Variants in FYB2 observed in about 807,000 individuals in gnomAD.
FYB2 encodes FYN-binding protein 2.
FYB2 carries 103 observed loss-of-function variants against 94.1 expected under a neutral mutation model. The ratio of observed to expected loss-of-function variants is 1.09; its 90% CI spans 0.93 to 1.29. The LOEUF (loss-of-function observed/expected upper bound fraction) is 1.29. FYB2 is among the 50% of genes most tolerant of loss of function. The pLI, the probability that FYB2 is intolerant of heterozygous loss-of-function variation, is 0.00. For missense variants in FYB2, 896 were observed against 841.5 expected (o/e 1.06, Z -0.80); for synonymous variants, 293 against 287.9 (o/e 1.02, Z -0.18).
chr1:56,819,630 T>G (rs1420587667), upstream of FYB2: 4 of 469,022 alleles, frequency 8.5e-6, no homozygotes, highest in Non-Finnish European at 1.6e-5. Context: ...TCACTCACTC[T>G]CCAGGGCATT....
At chr1:56,825,570 C>T in the FYB2 span, among the ~76,000 whole-genome samples, 1 of 152,110 alleles carries the variant, frequency 6.6e-6, no homozygotes, top group Admixed American at 6.5e-5. Context: ...AACCTGTAGT[C>T]TAGTTAGGGT....
intron 15 of FYB2, among the ~76,000 whole-genome samples, chr1:56,736,282 G>T (rs1644828561): frequency 6.6e-6 from 1 of 152,070 alleles, no homozygotes; most frequent in African/African-American, 2.4e-5. Context: ...AAGTTCAATT[G>T]TATAATAGGA....
At chr1:56,748,077 G>T (rs1174583852) in intron 9 of FYB2, among the ~76,000 whole-genome samples, 2 of 151,990 alleles carry the variant, frequency 1.3e-5, no homozygotes, top group Admixed American at 6.6e-5. Flanking sequence ...CATATCCTTT[G>T]CCCACTTTTT....
At chr1:56,751,987 C>A (rs1010010727) in intron 8 of FYB2, among the ~76,000 whole-genome samples, 1 of 151,682 alleles carries the variant, frequency 6.6e-6, no homozygotes, top group African/African-American at 2.4e-5. Flanking sequence ...TTCCAAATGT[C>A]AGTAGGAGAT....
At chr1:56,775,750 A>G (rs1645860967) in intron 4 of FYB2, among the ~76,000 whole-genome samples, 1 of 152,162 alleles carries the variant, frequency 6.6e-6, no homozygotes, top group African/African-American at 2.4e-5. Context: ...CCGTAATGGA[A>G]GTCATCAAAG....
Position 56,792,510 on chromosome 1 carries a change from A to G in FYB2, c.303T>C (p.Thr101=). ...TCTGTGAACTTGTTGCAGAACATACAGTAGACTTTCCCAGAGGCCCTGGGG... is the reference window on the plus strand; with the variant it reads ...TCTGTGAACTTGTTGCAGAACATACGGTAGACTTTCCCAGAGGCCCTGGGG... ...SNSPGPLGKS[T]VCSATSSQKA... Residue 101 remains threonine, a synonymous_variant, in exon 2 of 20, where the codon ACT becomes ACC. Coordinates refer to ENST00000343433, the MANE Select transcript of FYB2 (RefSeq NM_001004303.5). 1 of 1,614,208 alleles carries G rather than the reference A, an allele frequency of 6.2e-7. No homozygotes were observed. The highest frequency in any genetic ancestry group is 8.5e-7 in the Non-Finnish European group (1 of 1,180,012).
intron 1 of FYB2, among the ~76,000 whole-genome samples, chr1:56,806,192 G>A (rs1646643420): frequency 6.6e-6 from 1 of 152,162 alleles, no homozygotes; most frequent in African/African-American, 2.4e-5. Flanking sequence ...AACACCTTGA[G>A]GTCCCTGCTG....
At chr1:56,743,340 T>C (rs1487956969) in intron 11 of FYB2, among the ~76,000 whole-genome samples, 2 of 151,988 alleles carry the variant, frequency 1.3e-5, no homozygotes. Context: ...GAGACATTAA[T>C]TAAAAAGTCA....
At chr1:56,731,408 G>C (rs921056715) in intron 15 of FYB2, among the ~76,000 whole-genome samples, 1 of 152,032 alleles carries the variant, frequency 6.6e-6, no homozygotes, top group Non-Finnish European at 1.5e-5. Flanking sequence ...TCAAACTCTT[G>C]AGCTCAAGCA....
At chr1:56,810,871 G>C (rs1646751857) in intron 1 of FYB2, among the ~76,000 whole-genome samples, 1 of 152,136 alleles carries the variant, frequency 6.6e-6, no homozygotes, top group African/African-American at 2.4e-5. Context: ...AGTTGTATTT[G>C]GAATACATTG....
intron 17 of FYB2, 69 bp from the exon 18 acceptor site, chr1:56,720,398 G>T: frequency 7.2e-7 from 1 of 1,389,368 alleles, no homozygotes. Flanking sequence ...AATTAATGGA[G>T]GATATAATAT....
chr1:56,800,612 C>G (rs891977300), intron 1 of FYB2, among the ~76,000 whole-genome samples: 3 of 152,128 alleles, frequency 2.0e-5, no homozygotes, highest in Non-Finnish European at 4.4e-5. Flanking sequence ...CTTGAACATG[C>G]TACTAAATCT....
intron 13 of FYB2, among the ~76,000 whole-genome samples, chr1:56,738,874 G>A (rs1644888258): frequency 6.6e-6 from 1 of 152,102 alleles, no homozygotes; most frequent in Non-Finnish European, 1.5e-5. Context: ...CCAGGTTTGG[G>A]AAGAGAAGTT....
At chr1:56,734,047 T>A (rs1644773357) in intron 15 of FYB2, among the ~76,000 whole-genome samples, 1 of 152,168 alleles carries the variant, frequency 6.6e-6, no homozygotes, top group South Asian at 2.1e-4. Flanking sequence ...TGTGGGAGTC[T>A]AAGTCTCTTT....
At chr1:56,788,899 G>A (rs763541712) in intron 3 of FYB2, 74 bp downstream of exon 3, 16 of 1,567,678 alleles carry the variant, frequency 1.0e-5, no homozygotes, top group African/African-American at 8.1e-5. Flanking sequence ...CAGCGGCATC[G>A]TCACCTGGGA....
intron 8 of FYB2, among the ~76,000 whole-genome samples, chr1:56,753,415 G>A (rs1276420555): frequency 6.6e-6 from 1 of 152,120 alleles, no homozygotes; most frequent in Non-Finnish European, 1.5e-5. Flanking sequence ...TGGGAATGGG[G>A]ATGGTAATTG....
intron 14 of FYB2, chr1:56,737,449 C>A (rs1178773742): frequency 4.5e-6 from 1 of 224,718 alleles, no homozygotes; most frequent in Non-Finnish European, 8.5e-6. Flanking sequence ...CTCAAAGAGT[C>A]ATTTTTAGAC....
intron 4 of FYB2, among the ~76,000 whole-genome samples, chr1:56,775,830 A>G (rs192668987): frequency 5.4e-4 from 83 of 152,318 alleles, no homozygotes; most frequent in Non-Finnish European, 7.8e-4. Context: ...TAGAGACATA[A>G]TGAGAGAAAA....
rs530267772 is a variant in FYB2 at position 56,809,551 on chromosome 1, A to G, written c.9+9731T>C. Among the ~76,000 whole-genome samples the G allele has an allele frequency of 2.6e-5, 4 of 152,210 alleles. No individual in the cohort carries two copies. In the South Asian group the frequency reaches 8.3e-4, roughly 32 times the overall value. ...CTCTCTTTCCAGAATGCTCTTACCC[A>G]TGTTTATTGTCTGAAAAATATTTGT... is the stretch of plus-strand genomic sequence containing the variant. On this transcript the variant is annotated intron_variant, in intron 1 of 19. Coordinates refer to ENST00000343433, the MANE Select transcript of FYB2 (RefSeq NM_001004303.5).
Sources: gnomAD v4.1 joint callset for allele counts (sites outside exome capture counted in the v4.1 genomes callset) on GRCh38, gnomAD v4.1.1 for gene constraint, MANE v1.5 for transcripts, NCBI Gene and HGNC (gene_info 2026-07-23, HGNC 2026-07-21) for gene names.